Variants in RANBP9 observed in about 807,000 individuals in gnomAD.
RANBP9 encodes ran-binding protein 9.
In RANBP9, 15 loss-of-function variants were observed where a neutral mutation model predicts 84.3. That is an observed-to-expected ratio of 0.18 (90% CI 0.12 to 0.27). RANBP9 has a LOEUF of 0.27. RANBP9 is among the 10% of genes least tolerant of loss of function. The pLI is 1.00. For missense variants in RANBP9, 809 were observed against 912.8 expected, an observed-to-expected ratio of 0.89 and a Z score of 1.46; for synonymous variants, 392 against 349.6, an observed-to-expected ratio of 1.12 and a Z score of -1.35.
At chr6:13,704,924 ACTCT>A (rs994739271) in intron 1 of RANBP9, among the ~76,000 whole-genome samples, 6 of 151,792 alleles carry the variant, frequency 4.0e-5, no homozygotes, top group African/African-American at 1.5e-4. Context: ...TTTCCACAGT[ACTCT>A]CTATAATATT....
chr6:13,658,835 GT>G lies in RANBP9; in HGVS notation c.684-4del. ...CAGAAAGACCAATTCCCATGTAACT[GT>G]TGGCGGAGGTTGGGGGAGAGAAGAA... On this transcript the variant is annotated splice_region_variant and splice_polypyrimidine_tract_variant and intron_variant, in intron 2 of 13. Coordinates refer to ENST00000011619, the MANE Select transcript of RANBP9 (RefSeq NM_005493.3). The G allele has an allele frequency of 6.4e-7, 1 of 1,567,338 alleles. No homozygotes were observed. The highest frequency in any genetic ancestry group is 8.8e-7 in the Non-Finnish European group (1 of 1,137,762).
chr6:13,710,902 C>A (rs1758260198), intron 1 of RANBP9, 33 bp downstream of exon 1: 1 of 1,565,300 alleles, frequency 6.4e-7, no homozygotes, highest in African/African-American at 1.4e-5. Flanking sequence ...CGGGTCAGTG[C>A]CCCACTCCCA....
chr6:13,698,794 G>A (rs968516247), intron 1 of RANBP9, among the ~76,000 whole-genome samples: 5 of 152,010 alleles, frequency 3.3e-5, no homozygotes, highest in African/African-American at 1.2e-4. Context: ...AATGAAACTC[G>A]CCCAAAGTCA....
intron 2 of RANBP9, among the ~76,000 whole-genome samples, chr6:13,696,497 G>GT (rs762971630): frequency 2.6e-4 from 40 of 152,314 alleles, no homozygotes; most frequent in Non-Finnish European, 4.9e-4. Context: ...AAAAAGCAGT[G>GT]TAAGAAAAGT....
In RANBP9 at chr6:13,639,814, C is replaced by T. The variant is rs189202108; in HGVS notation, c.1335-61G>A. ...CTTCAAATGGCCTTTTATTTAATAG[C>T]AACAGATTTCTAAAAATATTTTTAA... On this transcript the variant is annotated intron_variant, in intron 8 of 13. Coordinates refer to ENST00000011619, the MANE Select transcript of RANBP9 (RefSeq NM_005493.3). 288 of 1,332,200 alleles carry T rather than the reference C, an allele frequency of 2.2e-4. No individual in the cohort carries two copies. In the East Asian group the frequency reaches 6.1e-3, roughly 28 times the overall value. The allele number at this position is 1,332,200 out of a possible 1,614,324, so 82.5% of individuals were successfully genotyped here. A position where few individuals can be genotyped will look rare whatever the true frequency, so the allele number is the denominator to read the frequency against.
At chr6:13,702,893 A>T (rs142543476) in intron 1 of RANBP9, among the ~76,000 whole-genome samples, 61 of 152,188 alleles carry the variant, frequency 4.0e-4, no homozygotes, top group Admixed American at 4.6e-4. Flanking sequence ...CTCAATTCAA[A>T]CTGCTCTCCC....
At chr6:13,627,957 T>C (rs899591636) in intron 12 of RANBP9, among the ~76,000 whole-genome samples, 1 of 152,220 alleles carries the variant, frequency 6.6e-6, no homozygotes, top group South Asian at 2.1e-4. Context: ...CCTGCACATG[T>C]ACCCTGGAAC....
intron 8 of RANBP9, 41 bp from the exon 9 acceptor site, chr6:13,639,794 A>C (rs1435526380): frequency 6.7e-7 from 1 of 1,495,544 alleles, no homozygotes; most frequent in Non-Finnish European, 9.2e-7. Flanking sequence ...ACAATCTTCA[A>C]ATGGCCTTTT....
chr6:13,673,587 A>G (rs747542042), intron 2 of RANBP9, among the ~76,000 whole-genome samples: 1 of 152,220 alleles, frequency 6.6e-6, no homozygotes, highest in Non-Finnish European at 1.5e-5. Context: ...AGTGAAATGA[A>G]TAACAGCAAT....
At chr6:13,706,208 G>A (rs957920775) in intron 1 of RANBP9, among the ~76,000 whole-genome samples, 1 of 152,072 alleles carries the variant, frequency 6.6e-6, no homozygotes, top group Admixed American at 6.5e-5. Context: ...GCCGGGCGTC[G>A]CGGCGGGCAC....
At chr6:13,647,990 C>T (rs1035948256) in intron 5 of RANBP9, among the ~76,000 whole-genome samples, 9 of 151,974 alleles carry the variant, frequency 5.9e-5, no homozygotes, top group African/African-American at 2.2e-4. Context: ...AATCCCATCA[C>T]CCCAGAGAGA....
intron 2 of RANBP9, among the ~76,000 whole-genome samples, chr6:13,666,802 C>T: frequency 6.6e-6 from 1 of 151,700 alleles, no homozygotes; most frequent in Non-Finnish European, 1.5e-5. Context: ...ATAAATACTA[C>T]AAGAAAGTGA....
intron 1 of RANBP9, among the ~76,000 whole-genome samples, chr6:13,700,676 A>G (rs534835067): frequency 6.6e-6 from 1 of 152,056 alleles, no homozygotes; most frequent in African/African-American, 2.4e-5. Context: ...TAATTCCTGA[A>G]CCTCTTTATT....
chr6:13,708,448 G>A (rs1038687202), intron 1 of RANBP9, among the ~76,000 whole-genome samples: 3 of 151,550 alleles, frequency 2.0e-5, no homozygotes, highest in East Asian at 3.9e-4. Context: ...AAAAACACCA[G>A]AACAACAACA....
intron 2 of RANBP9, among the ~76,000 whole-genome samples, chr6:13,671,073 T>C (rs1329144285): frequency 1.3e-5 from 2 of 152,184 alleles, no homozygotes; most frequent in Non-Finnish European, 2.9e-5. Context: ...AGTAAAACTA[T>C]GTTAATCATT....
chr6:13,697,112 A>G (rs1361663999), intron 1 of RANBP9, among the ~76,000 whole-genome samples: 1 of 152,250 alleles, frequency 6.6e-6, no homozygotes, highest in African/African-American at 2.4e-5. Flanking sequence ...TACTAGTTTT[A>G]TTAAGATTGC....
chr6:13,685,632 T>C (rs1233025262), intron 2 of RANBP9, among the ~76,000 whole-genome samples: 3 of 151,434 alleles, frequency 2.0e-5, no homozygotes, highest in Non-Finnish European at 4.4e-5. Context: ...TAAAAACCTG[T>C]ATAAAGAGGA....
At chr6:13,685,657 C>T (rs747647699) in intron 2 of RANBP9, among the ~76,000 whole-genome samples, 3 of 152,136 alleles carry the variant, frequency 2.0e-5, no homozygotes, top group African/African-American at 2.4e-5. Context: ...AGGCCGGGCG[C>T]GGTGGCTCAC....
chr6:13,695,515 G>GTTAT (rs1766426298), intron 2 of RANBP9, among the ~76,000 whole-genome samples: 1 of 151,182 alleles, frequency 6.6e-6, no homozygotes, highest in Non-Finnish European at 1.5e-5. Flanking sequence ...GGAGCTCGAG[G>GTTAT]GAATAAGCTA....
Sources: allele counts gnomAD v4.1 joint callset (sites outside exome capture counted in the v4.1 genomes callset), GRCh38; gene constraint gnomAD v4.1.1; transcripts MANE v1.5; gene names NCBI Gene and HGNC (gene_info 2026-07-23, HGNC 2026-07-21).